PCDH11X: variants seen among roughly 807,000 people sequenced by gnomAD.
PCDH11X encodes protocadherin-11 X-linked.
In PCDH11X, 18 loss-of-function variants were observed where a neutral mutation model predicts 53.3. The ratio of observed to expected loss-of-function variants is 0.34; its 90% CI spans 0.23 to 0.50. The LOEUF (loss-of-function observed/expected upper bound fraction) is 0.50. Ranked by LOEUF, PCDH11X falls within the 20% of genes least tolerant of loss-of-function variation. The pLI is 0.98. For missense variants in PCDH11X, 570 were observed against 1,032.4 expected (o/e 0.55, Z 6.14); for synonymous variants, 279 against 393.3 (o/e 0.71, Z 3.44).
chrX:92,487,191 T>G (rs2073662663), intron 10 of PCDH11X, among the ~76,000 whole-genome samples: 1 of 106,201 alleles, frequency 9.4e-6, no homozygotes, highest in Non-Finnish European at 1.9e-5. Flanking sequence ...TAGATGGGAT[T>G]ACAGGCATGC....
intron 8 of PCDH11X, among the ~76,000 whole-genome samples, chrX:92,283,453 T>C (rs2068293124): frequency 9.0e-6 from 1 of 111,680 alleles, no homozygotes; most frequent in Non-Finnish European, 1.9e-5. Flanking sequence ...CCTATCACAA[T>C]GGAAGATTTT....
chrX:92,355,011 GTAGT>G (rs1454415304), intron 8 of PCDH11X, among the ~76,000 whole-genome samples: 1 of 109,493 alleles, frequency 9.1e-6, no homozygotes, highest in South Asian at 4.0e-4. Flanking sequence ...ATACTAGTCT[GTAGT>G]TAGAGTTCTA....
At chrX:91,943,481 A>G (rs1209912859) in intron 6 of PCDH11X, among the ~76,000 whole-genome samples, 1 of 111,099 alleles carries the variant, frequency 9.0e-6, no homozygotes, top group African/African-American at 3.3e-5. Context: ...AAGAAAACTG[A>G]AAAAGGAAAA....
chrX:92,447,552 G>A (rs1201560615), intron 9 of PCDH11X, among the ~76,000 whole-genome samples: 1 of 111,881 alleles, frequency 8.9e-6, no homozygotes, highest in Non-Finnish European at 1.9e-5. Flanking sequence ...TGAGGTTTGG[G>A]AACCTCTGCC....
intron 10 of PCDH11X, among the ~76,000 whole-genome samples, chrX:92,583,222 C>T (rs1465783366): frequency 1.9e-5 from 2 of 105,392 alleles, no homozygotes; most frequent in Admixed American, 2.1e-4. Context: ...GCCTCAGCCT[C>T]CTGAGTAGCT....
chrX:91,786,018 C>A (rs763633790), intron 1 of PCDH11X, among the ~76,000 whole-genome samples: 18 of 112,111 alleles, frequency 1.6e-4, no homozygotes, highest in African/African-American at 5.2e-4. Context: ...TATCAAACAG[C>A]ACCAAAACAT....
chrX:92,502,965 C>A (rs1258680247), intron 10 of PCDH11X, among the ~76,000 whole-genome samples: 1 of 107,416 alleles, frequency 9.3e-6, no homozygotes, highest in Non-Finnish European at 1.9e-5. Flanking sequence ...GAGAAAATTT[C>A]TTAATGTAGC....
chrX:91,998,840 T>C (rs1426345938), intron 6 of PCDH11X, among the ~76,000 whole-genome samples: 1 of 111,694 alleles, frequency 9.0e-6, no homozygotes, highest in Non-Finnish European at 1.9e-5. Flanking sequence ...ATTCAGTACA[T>C]ATTCAGTAAA....
chrX:92,525,298 A>C (rs1433684807), intron 10 of PCDH11X, among the ~76,000 whole-genome samples: 1 of 111,318 alleles, frequency 9.0e-6, no homozygotes, highest in Non-Finnish European at 1.9e-5. Flanking sequence ...GTTTTTGCAA[A>C]AGTGATACTG....
chrX:92,142,629 C>T (rs773335225), intron 6 of PCDH11X, among the ~76,000 whole-genome samples: 1 of 110,620 alleles, frequency 9.0e-6, no homozygotes, highest in African/African-American at 3.3e-5. Flanking sequence ...TTTAATTGTT[C>T]AGCTACTACT....
chrX:92,561,943 T>A (rs1254067625), intron 10 of PCDH11X, among the ~76,000 whole-genome samples: 1 of 107,905 alleles, frequency 9.3e-6, no homozygotes, highest in African/African-American at 3.4e-5. Context: ...AATAGAGCTC[T>A]GTATTAGTTT....
chrX:92,249,641 A>T (rs763119688), intron 7 of PCDH11X, among the ~76,000 whole-genome samples: 106 of 112,275 alleles, frequency 9.4e-4, no homozygotes, highest in Admixed American at 3.1e-3. Context: ...CCTGCTAAGA[A>T]GCTGGGAATT....
chrX:92,305,877 C>CT (rs2068818058), intron 8 of PCDH11X, among the ~76,000 whole-genome samples: 1 of 106,982 alleles, frequency 9.3e-6, no homozygotes, highest in South Asian at 4.3e-4. Context: ...GAATAAACAT[C>CT]TTTTTTCTCT....
chrX:92,016,445 G>GTTC (rs1314551648), intron 6 of PCDH11X, among the ~76,000 whole-genome samples: 1 of 109,862 alleles, frequency 9.1e-6, no homozygotes, highest in Admixed American at 9.8e-5. Flanking sequence ...AAAATCTGTT[G>GTTC]TTCAGTGTAG....
intron 6 of PCDH11X, among the ~76,000 whole-genome samples, chrX:92,156,104 T>A (rs1275407423): frequency 9.2e-6 from 1 of 108,881 alleles, no homozygotes; most frequent in Non-Finnish European, 1.9e-5. Flanking sequence ...TCAAGATCGT[T>A]GAGGGCCTCC....
At chrX:91,780,580 T>A (rs1044877606) in intron 1 of PCDH11X, among the ~76,000 whole-genome samples, 1 of 112,042 alleles carries the variant, frequency 8.9e-6, no homozygotes, top group African/African-American at 3.3e-5. Flanking sequence ...CATAAATAGG[T>A]GGTGTTTTCT....
intron 9 of PCDH11X, among the ~76,000 whole-genome samples, chrX:92,411,401 A>G (rs951570123): frequency 9.1e-6 from 1 of 110,414 alleles, no homozygotes; most frequent in Non-Finnish European, 1.9e-5. Context: ...CGCATTAAGT[A>G]TTTGTCCTAA....
intron 8 of PCDH11X, among the ~76,000 whole-genome samples, chrX:92,360,447 T>C (rs1332136204): frequency 3.6e-5 from 4 of 110,758 alleles, no homozygotes; most frequent in South Asian, 3.7e-4. Flanking sequence ...AAATAGAACA[T>C]TATTTTCTCG....
chrX:92,220,515 G>A lies in PCDH11X; in HGVS notation c.3114+19060G>A, dbSNP rs745692601. Among the ~76,000 whole-genome samples the A allele has an allele frequency of 3.4e-4, 37 of 109,811 alleles. 1 individual carries two copies. The South Asian group carries it at 0.013, about 40-fold the overall frequency. On this transcript the variant is annotated intron_variant, in intron 7 of 10. Coordinates refer to ENST00000682573, the MANE Select transcript of PCDH11X (RefSeq NM_032968.5). ...CACAATGAGATACCACCTCACACCA[G>A]TTAGAAGGGCAATCATTAAAAAGTC...
Sources: allele counts gnomAD v4.1 joint callset (sites outside exome capture counted in the v4.1 genomes callset), GRCh38; gene constraint gnomAD v4.1.1; transcripts MANE v1.5; gene names NCBI Gene and HGNC (gene_info 2026-07-23, HGNC 2026-07-21).